The following AATK variants were observed in gnomAD, a reference collection of about 807,000 sequenced individuals.
AATK encodes serine/threonine-protein kinase LMTK1.
AATK carries 91 observed loss-of-function variants against 114.3 expected under a neutral mutation model. The observed-to-expected ratio is 0.80, with a 90% CI of 0.67 to 0.95. The LOEUF is 0.95. Among genes scored for constraint, AATK ranks in the 40% least tolerant of loss-of-function variants. The probability of loss-of-function intolerance (pLI) is 0.00; values close to 1 mark genes in which losing one functional copy is unlikely to be tolerated. For missense variants in AATK, 2,176 were observed against 1,965.2 expected (o/e 1.11, Z -2.03); for synonymous variants, 1,075 against 916.5 (o/e 1.17, Z -3.12).
intron 13 of AATK, 35 bp from the exon 14 acceptor site, chr17:81,118,477 C>A (rs745834815): frequency 1.3e-6 from 2 of 1,599,026 alleles, no homozygotes; most frequent in Non-Finnish European, 1.7e-6. Flanking sequence ...ACACAGGGTT[C>A]TGAGACACCA....
At position 81,119,964 on chromosome 17, in the gene AATK, G is replaced by T; in HGVS notation, c.3855C>A (p.Gly1285=). The stretch of plus-strand genomic sequence containing the variant: ...CTTCCGCTGTGGAGCCATTTGGGGA[G>T]CCATCAGCCTGCTGCGGCCGGTTGG... ...SAPNRPQQAD[G]SPNGSTAEEG... Residue 1285 remains glycine, a synonymous_variant, in exon 12 of 14, where the codon GGC becomes GGA. Transcript: ENST00000326724. The T allele has an allele frequency of 6.9e-7, 1 of 1,450,718 alleles. No homozygotes were observed. The highest frequency in any genetic ancestry group is 9.1e-7 in the Non-Finnish European group (1 of 1,103,100). 89.9% of individuals were successfully genotyped at this position (1,450,718 alleles called of 1,614,324 possible).
chr17:81,120,260 C>T lies in AATK; in HGVS notation c.3676G>A (p.Glu1226Lys), dbSNP rs1424786124. The change falls in exon 11 of 14, where the codon GAA becomes AAA. Residue 1226 changes from glutamate (E) to lysine (K), a missense_variant. Physicochemically the swap from Glu to Lys is moderately conservative, Grantham distance 56 (BLOSUM62 1). Coordinates refer to ENST00000326724, the MANE Select transcript of AATK (RefSeq NM_001080395.3). ...AAGGACACGGCCTTCTTCTTGCGTT[C>T]CAGGTCCTCGCAGAAGGTCTCGGAC... ...LLSETFCEDL[E>K]RKKKAVSFFD... 3 of 1,600,866 alleles carry T rather than the reference C, an allele frequency of 1.9e-6. No homozygotes were observed. The highest frequency in any genetic ancestry group is 1.1e-5 in the South Asian group (1 of 90,888).
At chr17:81,157,310 C>T (rs1050560750) in intron 1 of AATK, among the ~76,000 whole-genome samples, 5 of 152,238 alleles carry the variant, frequency 3.3e-5, no homozygotes, top group Non-Finnish European at 7.3e-5. Context: ...CATCCGACAC[C>T]GCGGGCACCG....
chr17:81,160,238 G>C (rs2061414227), intron 1 of AATK: 1 of 984,844 alleles, frequency 1.0e-6, no homozygotes, highest in Non-Finnish European at 1.2e-6. Context: ...CCACGTACCA[G>C]GCTCTGGGTG....
At chr17:81,132,650 C>T in intron 2 of AATK, 1 of 302,866 alleles carries the variant, frequency 3.3e-6, no homozygotes, top group Non-Finnish European at 6.8e-6. Flanking sequence ...GGGCTCCAGG[C>T]ATTACCTGCT....
At position 81,119,363 on chromosome 17, in the gene AATK, C is replaced by A; in HGVS notation, c.4084+17G>T. The A allele has an allele frequency of 3.1e-6, 2 of 648,292 alleles. No individual in the cohort carries two copies. The allele number at this position is 648,292 out of a possible 1,614,324, so 40.2% of individuals were successfully genotyped here. ...CCTCCCGCGTGCCCTTCTGCCACAGCCCCGCCCAGGCCTCACCTCTCTTGG... is the reference window on the plus strand; with the variant it reads ...CCTCCCGCGTGCCCTTCTGCCACAGACCCGCCCAGGCCTCACCTCTCTTGG... On this transcript the variant is annotated intron_variant, in intron 13 of 13. Transcript: ENST00000326724.
chr17:81,137,119 G>A (rs576298875), intron 1 of AATK, among the ~76,000 whole-genome samples: 154 of 152,206 alleles, frequency 1.0e-3, no homozygotes, highest in African/African-American at 3.4e-3. Context: ...TTAGCTGGGT[G>A]TGGTGGCACA....
At chr17:81,157,304 C>T (rs563279924) in intron 1 of AATK, among the ~76,000 whole-genome samples, 63 of 152,360 alleles carry the variant, frequency 4.1e-4, no homozygotes, top group Non-Finnish European at 5.7e-4. Context: ...CGGGTCCATC[C>T]GACACCGCGG....
chr17:81,154,319 C>CTTTTTTTTT, intron 1 of AATK, among the ~76,000 whole-genome samples: 1 of 113,804 alleles, frequency 8.8e-6, no homozygotes, highest in Non-Finnish European at 1.7e-5. Flanking sequence ...TTTTTTCTTT[C>CTTTTTTTTT]TTTTTTTTTT....
At position 81,166,110 on chromosome 17, in the gene AATK, C is replaced by CCGCGCCCCG. The variant is rs2061487947; in HGVS notation, c.-127_-119dup. The CCGCGCCCCG allele has an allele frequency of 2.2e-6, 1 of 463,982 alleles. No homozygotes were observed. The highest frequency in any genetic ancestry group is 2.2e-5 in the African/African-American group (1 of 46,166). 28.7% of individuals were successfully genotyped at this position (463,982 alleles called of 1,614,324 possible). A position where few individuals can be genotyped will look rare whatever the true frequency, so the allele number is the denominator to read the frequency against. On this transcript the variant is annotated 5_prime_UTR_variant, in exon 1 of 14. Coordinates refer to ENST00000326724, the MANE Select transcript of AATK (RefSeq NM_001080395.3). ...CCGCAGGTGCGGAGCGCGCCGGCCC[C>CCGCGCCCCG]CGCGCCCCGCGCCCCCCGCCGCAGC... is the stretch of plus-strand genomic sequence containing the variant.
At chr17:81,147,798 C>T (rs1219328156) in intron 1 of AATK, among the ~76,000 whole-genome samples, 1 of 152,100 alleles carries the variant, frequency 6.6e-6, no homozygotes, top group Middle Eastern at 3.4e-3. Flanking sequence ...ATATCAATGA[C>T]GTTATGCTAA....
intron 1 of AATK, among the ~76,000 whole-genome samples, chr17:81,162,144 C>T (rs760360922): frequency 9.9e-4 from 151 of 152,222 alleles, no homozygotes; most frequent in Non-Finnish European, 1.1e-3. Flanking sequence ...AGGTGGGAGC[C>T]GGACCCGTGC....
At chr17:81,134,717 C>T (rs536166886) in intron 1 of AATK, among the ~76,000 whole-genome samples, 11 of 152,354 alleles carry the variant, frequency 7.2e-5, no homozygotes, top group South Asian at 4.1e-4. Context: ...ACCCTGGCTT[C>T]GCCAGGGGGA....
At chr17:81,149,827 C>A (rs550644444) in intron 1 of AATK, among the ~76,000 whole-genome samples, 35 of 152,322 alleles carry the variant, frequency 2.3e-4, no homozygotes, top group Non-Finnish European at 3.8e-4. Context: ...CAGCCCCCAT[C>A]AGCCCAGCCT....
In AATK at chr17:81,120,804, G is replaced by T. The variant is rs1444762472; in HGVS notation, c.3132C>A (p.Ser1044=). ...SEQVCLRPGV[S]GEAQGSGPGE... The stretch of plus-strand genomic sequence containing the variant: ...CGGGGCCAGAGCCTTGTGCCTCCCC[G>T]GAAACCCCAGGCCTGAGACAGACCT... The change falls in exon 11 of 14, where the codon TCC becomes TCA. Residue 1044 remains serine, a synonymous_variant. Coordinates refer to ENST00000326724, the MANE Select transcript of AATK (RefSeq NM_001080395.3). 1.3e-6 allele frequency: 2 copies of T among 1,570,078 alleles called. No homozygotes were observed. Among genetic ancestry groups the T allele is most frequent in the African/African-American group, 1.4e-5 (1 of 73,880 alleles).
chr17:81,121,691 A>G lies in AATK; in HGVS notation c.2245T>C (p.Cys749Arg). ...GCAGGTGCCAGGCCCTGGGCAGAGC[A>G]TAGATGAGGGAGGCCGGGGCAGCAG... Reference protein sequence around the residue: ...PGCCPGLPHLCSAQGLAPAPC... With the variant: ...PGCCPGLPHLRSAQGLAPAPC... The change falls in exon 11 of 14, where the codon TGC (cysteine) becomes CGC (arginine). Residue 749 changes from cysteine to arginine, a missense_variant. By Grantham distance (180) the Cys-to-Arg change is radical. Transcript: ENST00000326724. 6.7e-7 allele frequency: 1 copy of G among 1,499,754 alleles called. No homozygotes were observed. Among genetic ancestry groups the G allele is most frequent in the Non-Finnish European group, 8.9e-7 (1 of 1,128,656 alleles). The allele number at this position is 1,499,754 out of a possible 1,614,324, so 92.9% of individuals were successfully genotyped here.
At chr17:81,122,923 G>C in intron 10 of AATK, 100 bp from the exon 11 acceptor site, 2 of 1,129,778 alleles carry the variant, frequency 1.8e-6, no homozygotes, top group Non-Finnish European at 2.4e-6. Flanking sequence ...AGTGTCTTGG[G>C]GGCATTAAGG....
rs1440735116 is a variant in AATK, at chr17:81,118,073, G to A, written c.*329C>T. The A allele has an allele frequency of 4.8e-5, 14 of 290,082 alleles. No homozygotes were observed. In the South Asian group the frequency reaches 1.0e-3, roughly 22 times the overall value. 18.0% of individuals were successfully genotyped at this position (290,082 alleles called of 1,614,324 possible). A position where few individuals can be genotyped will look rare whatever the true frequency, so the allele number is the denominator to read the frequency against. ...TCCGAGGCCAGGCAGGCAGGGCAGA[G>A]GGTGGGGGCCGCCGTGCCCAGGGGC... is the stretch of plus-strand genomic sequence containing the variant. On this transcript the variant is annotated 3_prime_UTR_variant, in exon 14 of 14. Transcript: ENST00000326724.
intron 1 of AATK, among the ~76,000 whole-genome samples, chr17:81,136,819 G>A (rs1220272176): frequency 6.6e-6 from 1 of 152,188 alleles, no homozygotes; most frequent in Non-Finnish European, 1.5e-5. Context: ...TGCAAGGAGA[G>A]ACGGCACACC....
Sources: gnomAD v4.1 joint callset for allele counts (sites outside exome capture counted in the v4.1 genomes callset) on GRCh38, gnomAD v4.1.1 for gene constraint, MANE v1.5 for transcripts, NCBI Gene and HGNC (gene_info 2026-07-23, HGNC 2026-07-21) for gene names.